The following PON2 variants were observed in gnomAD, a reference collection of about 807,000 sequenced individuals.
PON2 encodes paraoxonase 2, also known as serum paraoxonase/arylesterase 2.
PON2 carries 27 observed loss-of-function variants against 36.6 expected under a neutral mutation model. The observed-to-expected ratio is 0.74, with a 90% confidence interval of 0.54 to 1.02. PON2 has a LOEUF of 1.02. Among genes scored for constraint, PON2 ranks in the 50% least tolerant of loss-of-function variants. The probability of loss-of-function intolerance (pLI) is 0.00; values close to 1 mark genes in which losing one functional copy is unlikely to be tolerated. For missense variants in PON2, 363 were observed against 421.1 expected, an observed-to-expected ratio of 0.86 and a Z score of 1.21; for synonymous variants, 149 against 156.3, an observed-to-expected ratio of 0.95 and a Z score of 0.35.
In PON2 at chr7:95,412,320, A is replaced by C. The variant is rs762506289; in HGVS notation, c.359T>G (p.Ile120Arg). The change falls in exon 4 of 9, where the codon ATA becomes AGA. Residue 120 changes from isoleucine (I) to arginine (R), a missense_variant. Ile to Arg is a moderately conservative substitution (Grantham distance 97). Transcript: ENST00000222572. ...AGCCCATTGGCTCTTACCGTTGTCT[A>C]TGAAAGTGCTGATGCCATGTGGATT... ...SFNPHGISTF[I>R]DNDDTVYLFV... is the part of the protein sequence containing the mutation. 2.5e-4 allele frequency: 404 copies of C among 1,614,008 alleles called. No individual in the cohort carries two copies. The highest frequency in any genetic ancestry group is 3.3e-4 in the Non-Finnish European group (384 of 1,179,988).
At chr7:95,418,129 A>G (rs1789113423) in intron 2 of PON2, 1 of 152,170 alleles carries the variant, frequency 6.6e-6, no homozygotes, top group African/African-American at 2.4e-5. Flanking sequence ...TATAGCCACT[A>G]CTGCAGGAAG....
chr7:95,422,727 A>C (rs183875933), intron 2 of PON2, among the ~76,000 whole-genome samples: 1 of 152,326 alleles, frequency 6.6e-6, no homozygotes, highest in Admixed American at 6.5e-5. Context: ...TAAAGAGTAA[A>C]ACAAAATATT....
In PON2 at chr7:95,416,264, T is replaced by C. The variant is rs1480655228; in HGVS notation, c.179A>G (p.Asn60Ser). 4.3e-6 allele frequency: 7 copies of C among 1,613,290 alleles called. 1 individual carries two copies. In the South Asian group the frequency reaches 6.6e-5, roughly 15 times the overall value. Residue 60 changes from asparagine (N) to serine (S), a missense_variant, in exon 3 of 9, where the codon AAT (asparagine) becomes AGT (serine). Coordinates refer to ENST00000222572, the MANE Select transcript of PON2 (RefSeq NM_000305.3). Reference sequence around the variant, plus strand: ...CACCACACTAAAAAAAGCCAGACCATTGGGAAGTATGTCAATATCTTCAGA... The same window carrying C: ...CACCACACTAAAAAAAGCCAGACCACTGGGAAGTATGTCAATATCTTCAGA... ...AGSEDIDILP[N>S]GLAFFSVGLK...
At chr7:95,427,522 A>G (rs1789343260) in intron 1 of PON2, among the ~76,000 whole-genome samples, 2 of 152,222 alleles carry the variant, frequency 1.3e-5, no homozygotes, top group African/African-American at 4.8e-5. Context: ...TCCTTTCTTC[A>G]TGATTTGAAC....
intron 2 of PON2, 187 bp downstream of exon 2, chr7:95,424,328 G>A (rs1266497826): frequency 3.3e-5 from 20 of 601,630 alleles, no homozygotes; most frequent in Non-Finnish European, 5.6e-5. Flanking sequence ...AATTTACAGT[G>A]AGGGTAGGAA....
chr7:95,428,937 C>T (rs1159719372), intron 1 of PON2, among the ~76,000 whole-genome samples: 2 of 152,084 alleles, frequency 1.3e-5, no homozygotes, highest in Admixed American at 6.5e-5. Flanking sequence ...CTACAGATTA[C>T]AACACTGGGG....
At chr7:95,420,724 G>A (rs190222852) in intron 2 of PON2, among the ~76,000 whole-genome samples, 105 of 152,196 alleles carry the variant, frequency 6.9e-4, no homozygotes, top group South Asian at 1.5e-3. Flanking sequence ...CCTCTTAGAG[G>A]GATTAGTTGG....
At chr7:95,434,195 AAAAAT>A (rs1373479052) in intron 1 of PON2, 5 of 152,390 alleles carry the variant, frequency 3.3e-5, no homozygotes, top group South Asian at 2.1e-4. Context: ...CATCTCTACA[AAAAAT>A]AAAATAAACA....
intron 7 of PON2, 52 bp downstream of exon 7, chr7:95,406,935 T>A: frequency 1.8e-6 from 2 of 1,125,712 alleles, no homozygotes; most frequent in Non-Finnish European, 1.3e-6. Flanking sequence ...AAAAACTATG[T>A]CATTGCAAAG....
intron 2 of PON2, among the ~76,000 whole-genome samples, chr7:95,421,532 C>G (rs1349809745): frequency 2.6e-5 from 4 of 152,168 alleles, no homozygotes. Flanking sequence ...AGCTGGAAGG[C>G]AAGATGAAGC....
intron 2 of PON2, among the ~76,000 whole-genome samples, chr7:95,419,508 C>T (rs1409365573): frequency 1.3e-5 from 2 of 152,168 alleles, no homozygotes; most frequent in Non-Finnish European, 2.9e-5. Flanking sequence ...TAGCAATTAT[C>T]TGTGTCAGAG....
intron 3 of PON2, chr7:95,412,850 C>T: frequency 3.2e-6 from 1 of 311,734 alleles, no homozygotes; most frequent in Non-Finnish European, 6.1e-6. Context: ...CCATCCTTCT[C>T]CCACTGATTC....
At position 95,410,081 on chromosome 7, in the gene PON2, A is replaced by G; in HGVS notation, c.515T>C (p.Val172Ala). 1.2e-6 allele frequency: 2 copies of G among 1,613,670 alleles called. No individual in the cohort carries two copies. Among genetic ancestry groups the G allele is most frequent in the Non-Finnish European group, 1.7e-6 (2 of 1,179,720 alleles). ...LLPSVNDITA[V>A]GPAHFYATND... Reference sequence around the variant, plus strand: ...TGTGGCATAGAAATGTGCCGGTCCAACAGCTGTGATGTCATTCACACTGAA... The same window carrying G: ...TGTGGCATAGAAATGTGCCGGTCCAGCAGCTGTGATGTCATTCACACTGAA... Residue 172 changes from valine (V) to alanine (A), a missense_variant, in exon 6 of 9, where the codon GTT becomes GCT. Val to Ala is a moderately conservative substitution (Grantham distance 64). Transcript: ENST00000222572.
chr7:95,419,723 T>G (rs1241667403), intron 2 of PON2, among the ~76,000 whole-genome samples: 3 of 152,116 alleles, frequency 2.0e-5, no homozygotes, highest in African/African-American at 7.2e-5. Context: ...TACATAAATT[T>G]TCTTTCAACC....
chr7:95,410,862 T>G (rs1365437267), intron 5 of PON2, among the ~76,000 whole-genome samples: 1 of 152,168 alleles, frequency 6.6e-6, no homozygotes, highest in African/African-American at 2.4e-5. Flanking sequence ...AGCACCATAA[T>G]GCTTGGATGG....
At chr7:95,434,808 C>A in intron 1 of PON2, 70 bp downstream of exon 1, 1 of 1,498,024 alleles carries the variant, frequency 6.7e-7, no homozygotes. Context: ...CAGCCTGCGC[C>A]CTCCCCGCAC....
chr7:95,420,820 G>C (rs1789174827), intron 2 of PON2, among the ~76,000 whole-genome samples: 1 of 152,146 alleles, frequency 6.6e-6, no homozygotes, highest in South Asian at 2.1e-4. Context: ...TGCCTGTATA[G>C]AAATGTGTGT....
chr7:95,415,008 G>C (rs1789029561), intron 3 of PON2: 1 of 152,120 alleles, frequency 6.6e-6, no homozygotes, highest in African/African-American at 2.4e-5. Context: ...TCCAACCTGA[G>C]TTCTCTCACC....
At position 95,434,881 on chromosome 7, in the gene PON2, A is replaced by C; in HGVS notation, c.71T>G (p.Leu24Arg). ...GGCGCGCGGGAGTCCCACCTACCTG[A>C]GTGCCAGAAGCCTCTCGCCCAGGAG... ...LALLGERLLA[L>R]RNRLKASREV... Residue 24 changes from leucine to arginine, a missense_variant, in exon 1 of 9, where the codon CTC becomes CGC. Leu to Arg is a moderately radical substitution (Grantham distance 102). Coordinates refer to ENST00000222572, the MANE Select transcript of PON2 (RefSeq NM_000305.3). 1.3e-6 allele frequency: 2 copies of C among 1,540,472 alleles called. No individual in the cohort carries two copies. Among genetic ancestry groups the C allele is most frequent in the Non-Finnish European group, 1.7e-6 (2 of 1,145,178 alleles).
Sources: gnomAD v4.1 joint callset for allele counts (sites outside exome capture counted in the v4.1 genomes callset) on GRCh38, gnomAD v4.1.1 for gene constraint, MANE v1.5 for transcripts, NCBI Gene and HGNC (gene_info 2026-07-23, HGNC 2026-07-21) for gene names.